The following EHHADH variants were observed in gnomAD, a reference collection of about 807,000 sequenced individuals.
The protein encoded by EHHADH is enoyl-CoA hydratase and 3-hydroxyacyl CoA dehydrogenase.
In EHHADH, 48 loss-of-function variants were observed where a neutral mutation model predicts 64.4. The ratio of observed to expected loss-of-function variants is 0.75; its 90% CI spans 0.59 to 0.95. EHHADH has a LOEUF of 0.95. Among genes scored for constraint, EHHADH ranks in the 40% least tolerant of loss-of-function variants. The pLI is 0.00. For synonymous variants in EHHADH, 308 were observed against 326.7 expected (o/e 0.94, Z 0.62); for missense variants, 854 against 876.6 (o/e 0.97, Z 0.33).
chr3:185,193,865 A>T (rs1717984638), intron 6 of EHHADH, among the ~76,000 whole-genome samples: 1 of 152,262 alleles, frequency 6.6e-6, no homozygotes, highest in East Asian at 1.9e-4. Flanking sequence ...GAAGAAATTT[A>T]ACAAAGAATA....
intron 6 of EHHADH, among the ~76,000 whole-genome samples, chr3:185,194,348 C>T (rs577768666): frequency 7.0e-4 from 106 of 152,216 alleles, no homozygotes; most frequent in Non-Finnish European, 1.4e-3. Context: ...TGCAATGGCT[C>T]ACACTTGTAA....
intron 2 of EHHADH, among the ~76,000 whole-genome samples, chr3:185,244,768 G>A (rs1203409399): frequency 6.6e-6 from 1 of 152,094 alleles, no homozygotes; most frequent in East Asian, 1.9e-4. Flanking sequence ...AGGCAAGGAA[G>A]GATTCTTCCC....
intron 5 of EHHADH, among the ~76,000 whole-genome samples, chr3:185,217,587 TCTCTCTTG>T (rs1379835783): frequency 1.3e-5 from 2 of 148,196 alleles, no homozygotes; most frequent in Admixed American, 6.8e-5. Context: ...CCTCCACACT[TCTCTCTTG>T]CTCTCTTGCC....
chr3:185,252,729 T>A (rs912587749), intron 1 of EHHADH, among the ~76,000 whole-genome samples: 1 of 152,214 alleles, frequency 6.6e-6, no homozygotes, highest in African/African-American at 2.4e-5. Flanking sequence ...TAATGATAAA[T>A]CAAATCCAAT....
Position 185,204,711 on chromosome 3 carries a change from G to A in EHHADH, c.615C>T (p.Ser205=). 2.5e-6 allele frequency: 4 copies of A among 1,613,876 alleles called. No individual in the cohort carries two copies. The highest frequency in any genetic ancestry group is 3.4e-6 in the Non-Finnish European group (4 of 1,179,788). The part of the protein sequence containing the change: ...SRRLCNKPIQ[S]LPNMDSIFSE... The stretch of plus-strand genomic sequence containing the variant: ...TAAAAATGCTGTCCATGTTGGGCAA[G>A]CTCTGAATTGGCTTGTTGCAGAGTC... The change falls in exon 6 of 7, where the codon AGC becomes AGT. Residue 205 remains serine, a synonymous_variant. Transcript: ENST00000231887.
chr3:185,204,074 A>C lies in EHHADH; in HGVS notation c.910+342T>G, dbSNP rs572100873. Among the ~76,000 whole-genome samples the C allele has an allele frequency of 2.8e-5, 4 of 144,266 alleles. 1 individual carries two copies. The highest frequency in any genetic ancestry group is 4.7e-4 in the South Asian group (2 of 4,280). The allele number at this position is 144,266 out of a possible 152,430, so 94.6% of individuals were successfully genotyped here. A position where few individuals can be genotyped will look rare whatever the true frequency, so the allele number is the denominator to read the frequency against. ...CTTGAACCTGGGAGGTGGAGGTTGC[A>C]GTGAACCGAGATTGAGCCACTCCAC... is the stretch of plus-strand genomic sequence containing the variant. On this transcript the variant is annotated intron_variant, in intron 6 of 6. Coordinates refer to ENST00000231887, the MANE Select transcript of EHHADH (RefSeq NM_001966.4).
intron 6 of EHHADH, among the ~76,000 whole-genome samples, chr3:185,204,056 C>T (rs891960752): frequency 6.8e-6 from 1 of 146,668 alleles, no homozygotes; most frequent in Non-Finnish European, 1.5e-5. Flanking sequence ...TCACTTGAAC[C>T]TGGGAGGTGG....
chr3:185,249,515 T>C (rs1343268418), intron 1 of EHHADH, among the ~76,000 whole-genome samples: 1 of 152,218 alleles, frequency 6.6e-6, no homozygotes, highest in South Asian at 2.1e-4. Context: ...GATTGGATCA[T>C]GCCAGTGGTT....
At chr3:185,247,471 CTCT>C (rs1292094178) in intron 2 of EHHADH, among the ~76,000 whole-genome samples, 1 of 152,110 alleles carries the variant, frequency 6.6e-6, no homozygotes, top group Admixed American at 6.5e-5. Flanking sequence ...GGCTCAAAAT[CTCT>C]TCTTACCTGT....
intron 5 of EHHADH, among the ~76,000 whole-genome samples, chr3:185,215,950 T>C (rs957657857): frequency 6.6e-6 from 1 of 152,206 alleles, no homozygotes; most frequent in Admixed American, 6.5e-5. Flanking sequence ...TACATTTTTC[T>C]ATATAGTTTT....
In EHHADH at chr3:185,193,354, G is replaced by A. The variant is rs1459327553; in HGVS notation, c.1044C>T (p.Ala348=). 3 of 1,613,936 alleles carry A rather than the reference G, an allele frequency of 1.9e-6. No homozygotes were observed. Among genetic ancestry groups the A allele is most frequent in the Admixed American group, 3.3e-5 (2 of 59,962 alleles). Residue 348 remains alanine, a synonymous_variant, in exon 7 of 7, where the codon GCC becomes GCT. Transcript: ENST00000231887. ...KMITSVLEKE[A]SKMQQSGHPW... is the part of the protein sequence containing the mutation. Reference sequence around the variant, plus strand: ...GGTGGCCGCTCTGTTGCATTTTGGAGGCTTCTTTTTCCAAGACAGAGGTTA... The same window carrying A: ...GGTGGCCGCTCTGTTGCATTTTGGAAGCTTCTTTTTCCAAGACAGAGGTTA...
At chr3:185,253,872 G>GA (rs1719820410) in intron 1 of EHHADH, 77 bp downstream of exon 1, 10 of 1,580,434 alleles carry the variant, frequency 6.3e-6, no homozygotes, top group African/African-American at 1.4e-5. Context: ...ACCGACGGGG[G>GA]AGAGTCAAAG....
At chr3:185,227,859 T>C (rs1340423748) in intron 4 of EHHADH, among the ~76,000 whole-genome samples, 1 of 151,862 alleles carries the variant, frequency 6.6e-6, no homozygotes, top group Non-Finnish European at 1.5e-5. Flanking sequence ...AATAATAATA[T>C]ATATCTAACA....
At chr3:185,234,625 G>A (rs1342442541) in intron 3 of EHHADH, among the ~76,000 whole-genome samples, 1 of 91,282 alleles carries the variant, frequency 1.1e-5, no homozygotes, top group African/African-American at 3.7e-5. Flanking sequence ...TCAGAGAGAG[G>A]CCCTAGGGCT....
At chr3:185,218,278 G>A in intron 4 of EHHADH, 38 bp from the exon 5 acceptor site, 1 of 1,480,854 alleles carries the variant, frequency 6.8e-7, no homozygotes, top group East Asian at 2.3e-5. Flanking sequence ...ACAAATCAAA[G>A]AGCGATGTAA....
chr3:185,193,559 G>A, intron 6 of EHHADH, 72 bp from the exon 7 acceptor site: 2 of 1,527,240 alleles, frequency 1.3e-6, no homozygotes, highest in South Asian at 1.2e-5. Flanking sequence ...TTCACTGGAT[G>A]GAAGGCTTAT....
At position 185,235,455 on chromosome 3, in the gene EHHADH, A is replaced by G. The variant is rs933099228; in HGVS notation, c.186T>C (p.Asp62=). The part of the protein sequence containing the change: ...GAEGKFSAGA[D]IRGFSAPRTF... Reference sequence around the variant, plus strand: ...TCCTAGGAGCACTGAAGCCACGAATATCAGCACCTAAGGGCACAAAGACAA... The same window carrying G: ...TCCTAGGAGCACTGAAGCCACGAATGTCAGCACCTAAGGGCACAAAGACAA... Residue 62 remains aspartate (D), a synonymous_variant, in exon 3 of 7, where the codon GAT becomes GAC. Coordinates refer to ENST00000231887, the MANE Select transcript of EHHADH (RefSeq NM_001966.4). 3 of 1,608,712 alleles carry G rather than the reference A, an allele frequency of 1.9e-6. No individual in the cohort carries two copies. The highest frequency in any genetic ancestry group is 2.5e-6 in the Non-Finnish European group (3 of 1,177,400).
chr3:185,236,879 T>A (rs907424093), intron 2 of EHHADH, among the ~76,000 whole-genome samples: 1 of 152,248 alleles, frequency 6.6e-6, no homozygotes, highest in African/African-American at 2.4e-5. Context: ...AGCACTGTGC[T>A]AAGCAGTTTC....
At chr3:185,225,738 T>A (rs1718956241) in intron 4 of EHHADH, among the ~76,000 whole-genome samples, 1 of 152,226 alleles carries the variant, frequency 6.6e-6, no homozygotes, top group South Asian at 2.1e-4. Context: ...TCCAGTTACA[T>A]TGACCTTCTT....
Sources: allele counts gnomAD v4.1 joint callset (sites outside exome capture counted in the v4.1 genomes callset), GRCh38; gene constraint gnomAD v4.1.1; transcripts MANE v1.5; gene names NCBI Gene and HGNC (gene_info 2026-07-23, HGNC 2026-07-21).